The following ARFGEF2 variants were observed in gnomAD, a reference collection of about 807,000 sequenced individuals.
The protein encoded by ARFGEF2 is brefeldin A-inhibited guanine nucleotide-exchange protein 2.
Under a neutral mutation model 219.9 loss-of-function variants are expected in ARFGEF2, and 74 were observed. The ratio of observed to expected loss-of-function variants is 0.34; its 90% CI spans 0.28 to 0.41. The LOEUF is 0.41. Among genes scored for constraint, ARFGEF2 ranks in the 10% least tolerant of loss-of-function variants. The pLI is 1.00. For synonymous variants in ARFGEF2, 733 were observed against 799.2 expected (o/e 0.92, Z 1.40); for missense variants, 1,743 against 2,218.3 (o/e 0.79, Z 4.30).
intron 1 of ARFGEF2, among the ~76,000 whole-genome samples, chr20:48,937,194 A>G (rs144515524): frequency 5.3e-5 from 8 of 152,294 alleles, no homozygotes; most frequent in African/African-American, 1.9e-4. Flanking sequence ...GATTATTAGC[A>G]GTAACTTCCT....
Position 48,991,218 on chromosome 20 carries a change from G to A in ARFGEF2, c.2973+20G>A. 6.2e-7 allele frequency: 1 copy of A among 1,614,064 alleles called. No homozygotes were observed. The highest frequency in any genetic ancestry group is 1.3e-5 in the African/African-American group (1 of 75,004). Reference sequence around the variant, plus strand: ...CATGAGGTACGTGTCTCTTTGAATTGCCTTTTCTCAGTTAGGATGACTCCT... The same window carrying A: ...CATGAGGTACGTGTCTCTTTGAATTACCTTTTCTCAGTTAGGATGACTCCT... On this transcript the variant is annotated intron_variant, in intron 21 of 38. Coordinates refer to ENST00000371917, the MANE Select transcript of ARFGEF2 (RefSeq NM_006420.3).
chr20:48,925,293 G>GAGAGT (rs2090869863), intron 1 of ARFGEF2, among the ~76,000 whole-genome samples: 1 of 152,230 alleles, frequency 6.6e-6, no homozygotes, highest in Admixed American at 6.5e-5. Flanking sequence ...GACAGCCTGT[G>GAGAGT]AGAGTATTCA....
intron 25 of ARFGEF2, among the ~76,000 whole-genome samples, chr20:49,000,009 G>A (rs1912241906): frequency 6.6e-6 from 1 of 152,166 alleles, no homozygotes; most frequent in Non-Finnish European, 1.5e-5. Context: ...AATAATCAAT[G>A]GGGTGCTGGT....
rs1280785872 is a variant in ARFGEF2 at position 48,953,668 on chromosome 20, A to G, written c.716A>G (p.Gln239Arg). 3 of 1,614,224 alleles carry G rather than the reference A, an allele frequency of 1.9e-6. No individual in the cohort carries two copies. Among genetic ancestry groups the G allele is most frequent in the Admixed American group, 3.3e-5 (2 of 60,024 alleles). Reference sequence around the variant, plus strand: ...GTTCGTTTGAAGCACAGTCAGGCACAAAGCAAACCAACAACTCCCGAAAAA... The same window carrying G: ...GTTCGTTTGAAGCACAGTCAGGCACGAAGCAAACCAACAACTCCCGAAAAA... ...KFVRLKHSQA[Q>R]SKPTTPEKTD... The change falls in exon 6 of 39, where the codon CAA becomes CGA. Residue 239 changes from glutamine (Q) to arginine (R), a missense_variant. Coordinates refer to ENST00000371917, the MANE Select transcript of ARFGEF2 (RefSeq NM_006420.3).
chr20:49,016,550 T>A, intron 31 of ARFGEF2, 135 bp downstream of exon 31: 1 of 1,007,454 alleles, frequency 9.9e-7, no homozygotes, highest in Non-Finnish European at 1.5e-6. Context: ...GTATACGTTT[T>A]AATTACAGTA....
chr20:48,999,762 A>G (rs967605496), intron 25 of ARFGEF2, among the ~76,000 whole-genome samples: 5 of 151,516 alleles, frequency 3.3e-5, no homozygotes, highest in South Asian at 2.1e-4. Context: ...AAAAAAAAAA[A>G]AAAAAAGAAA....
intron 15 of ARFGEF2, 95 bp downstream of exon 15, chr20:48,984,935 C>T: frequency 6.3e-7 from 1 of 1,596,174 alleles, no homozygotes; most frequent in South Asian, 1.1e-5. Context: ...GCCCTAAGTA[C>T]ATTGTCTGTT....
At chr20:48,988,140 G>T (rs1277689031) in intron 16 of ARFGEF2, among the ~76,000 whole-genome samples, 164 bp from the exon 17 acceptor site, 1 of 152,154 alleles carries the variant, frequency 6.6e-6, no homozygotes, top group Non-Finnish European at 1.5e-5. Flanking sequence ...TACACTCTGG[G>T]TTGCTAAGTC....
At chr20:48,981,924 G>A (rs564457860) in intron 14 of ARFGEF2, among the ~76,000 whole-genome samples, 2 of 152,252 alleles carry the variant, frequency 1.3e-5, no homozygotes, top group East Asian at 1.9e-4. Flanking sequence ...CGATGGGTTC[G>A]AACATCCTCC....
rs2091649499 is a variant in ARFGEF2, at chr20:49,033,553, C to T, written c.*354C>T. The T allele has an allele frequency of 7.1e-6, 2 of 279,932 alleles. No homozygotes were observed. Among genetic ancestry groups the T allele is most frequent in the African/African-American group, 4.3e-5 (2 of 46,356 alleles). 17.3% of individuals were successfully genotyped at this position (279,932 alleles called of 1,614,324 possible). The stretch of plus-strand genomic sequence containing the variant: ...TAAGAAGTCACTCTCCTTGAAAATA[C>T]TGAACATAGCTGTATAGGTTTGTGA... On this transcript the variant is annotated 3_prime_UTR_variant, in exon 39 of 39. Coordinates refer to ENST00000371917, the MANE Select transcript of ARFGEF2 (RefSeq NM_006420.3).
intron 1 of ARFGEF2, among the ~76,000 whole-genome samples, chr20:48,935,797 C>T (rs1310750735): frequency 4.1e-5 from 6 of 147,626 alleles, no homozygotes; most frequent in Non-Finnish European, 6.0e-5. Flanking sequence ...CCCTCCCGGA[C>T]GGGGCGGCTG....
At chr20:48,938,040 A>T (rs543748843) in intron 1 of ARFGEF2, among the ~76,000 whole-genome samples, 1 of 152,188 alleles carries the variant, frequency 6.6e-6, no homozygotes, top group African/African-American at 2.4e-5. Context: ...TGCTTGTTCG[A>T]GAGTCGAGGT....
At chr20:49,030,700 C>G (rs1469657357) in intron 37 of ARFGEF2, among the ~76,000 whole-genome samples, 1 of 152,046 alleles carries the variant, frequency 6.6e-6, no homozygotes, top group Non-Finnish European at 1.5e-5. Context: ...TAAAGTTTCT[C>G]TAAAGGAGAT....
intron 3 of ARFGEF2, 41 bp downstream of exon 3, chr20:48,942,028 C>G: frequency 6.2e-7 from 1 of 1,611,688 alleles, no homozygotes. Context: ...GGGTTCTCTC[C>G]AAGCCACAGT....
intron 38 of ARFGEF2, among the ~76,000 whole-genome samples, chr20:49,032,646 G>A (rs1677321359): frequency 6.6e-6 from 1 of 150,658 alleles, no homozygotes; most frequent in African/African-American, 2.5e-5. Flanking sequence ...AGGCTGGAAT[G>A]CAGTGACGTA....
intron 8 of ARFGEF2, among the ~76,000 whole-genome samples, chr20:48,968,533 G>A (rs895352125): frequency 6.6e-6 from 1 of 151,780 alleles, no homozygotes; most frequent in African/African-American, 2.4e-5. Context: ...CTCCCAAGAA[G>A]CTGGGATTAG....
chr20:48,970,143 C>T (rs1340923924), intron 9 of ARFGEF2, among the ~76,000 whole-genome samples: 2 of 151,406 alleles, frequency 1.3e-5, no homozygotes, highest in Non-Finnish European at 2.9e-5. Flanking sequence ...GATGAAACCC[C>T]ACTTCTACTA....
At chr20:49,024,147 A>AT (rs2091586180) in intron 35 of ARFGEF2, among the ~76,000 whole-genome samples, 1 of 151,780 alleles carries the variant, frequency 6.6e-6, no homozygotes, top group Non-Finnish European at 1.5e-5. Context: ...AATTTTTTAC[A>AT]TTTTTTGTAG....
At chr20:48,970,483 G>A (rs191897623) in intron 9 of ARFGEF2, among the ~76,000 whole-genome samples, 115 of 151,908 alleles carry the variant, frequency 7.6e-4, no homozygotes, top group Admixed American at 6.0e-3. Flanking sequence ...GGTGGCAGGC[G>A]CCTGTAATCC....
Sources: gnomAD v4.1 joint callset for allele counts (sites outside exome capture counted in the v4.1 genomes callset) on GRCh38, gnomAD v4.1.1 for gene constraint, MANE v1.5 for transcripts, NCBI Gene and HGNC (gene_info 2026-07-23, HGNC 2026-07-21) for gene names.